Variants in CEP104 observed in about 807,000 individuals in gnomAD.
The protein encoded by CEP104 is centrosomal protein of 104 kDa.
A neutral mutation model predicts 113.3 loss-of-function variants in CEP104; 84 were observed. The ratio of observed to expected loss-of-function variants is 0.74; its 90% CI spans 0.62 to 0.89. The LOEUF is 0.89. Ranked by LOEUF, CEP104 falls within the 40% of genes least tolerant of loss-of-function variation. CEP104 has a pLI of 0.00. For missense variants in CEP104, 1,053 were observed against 1,156.6 expected (o/e 0.91, Z 1.30); for synonymous variants, 378 against 421.7 (o/e 0.90, Z 1.27).
chr1:3,823,464 C>A lies in CEP104; in HGVS notation c.2463G>T (p.Lys821Asn). ...KCYRCSEAVF[K>N]EELPRHIKHK... is the part of the protein sequence containing the mutation. The stretch of plus-strand genomic sequence containing the variant: ...GTTTTATGTGTCTGGGCAGCTCTTC[C>A]TTGAAAACAGCCTCACTGCAACGGT... The change falls in exon 19 of 22, where the codon AAG (lysine) becomes AAT (asparagine). Residue 821 changes from lysine to asparagine, a missense_variant. Transcript: ENST00000378230. The surrounding 1 kb of genome is among the most constrained non-coding windows in gnomAD (Gnocchi z 4.1). 1 of 1,614,238 alleles carries A rather than the reference C, an allele frequency of 6.2e-7. No homozygotes were observed. Among genetic ancestry groups the A allele is most frequent in the Non-Finnish European group, 8.5e-7 (1 of 1,180,036 alleles).
chr1:3,816,488 C>A (rs1643883077), intron 20 of CEP104, 118 bp from the exon 21 acceptor site: 2 of 742,262 alleles, frequency 2.7e-6, no homozygotes, highest in East Asian at 2.8e-5. Flanking sequence ...CCAGCAAGAG[C>A]CGCAGAAGAA....
intron 17 of CEP104, 123 bp downstream of exon 17, chr1:3,826,247 C>T (rs1644088499): frequency 1.3e-6 from 1 of 792,620 alleles, no homozygotes; most frequent in Non-Finnish European, 2.2e-6. Flanking sequence ...GCAGAAGGCA[C>T]ATTTCCTACC....
chr1:3,823,096 A>C lies in CEP104; in HGVS notation c.2571+78T>G. On this transcript the variant is annotated intron_variant, in intron 20 of 21. Coordinates refer to ENST00000378230, the MANE Select transcript of CEP104 (RefSeq NM_014704.4). This position sits in a 1 kb window ranked among gnomAD's most constrained non-coding sequence, Gnocchi z 4.1. ...ACTCTGTGGCTATGGTCCCGCACTG[A>C]CACCACCACTGTCACCACCACTGCC... The C allele has an allele frequency of 7.4e-7, 1 of 1,356,442 alleles. No homozygotes were observed. The highest frequency in any genetic ancestry group is 1.1e-6 in the Non-Finnish European group (1 of 949,958). 84.0% of individuals were successfully genotyped at this position (1,356,442 alleles called of 1,614,324 possible).
At chr1:3,827,740 C>A (rs1644120201) in intron 15 of CEP104, among the ~76,000 whole-genome samples, 1 of 152,220 alleles carries the variant, frequency 6.6e-6, no homozygotes, top group South Asian at 2.1e-4. Context: ...TTCACCAGGC[C>A]CTGTGTGGGG....
intron 20 of CEP104, among the ~76,000 whole-genome samples, chr1:3,817,583 G>A (rs1398209383): frequency 1.3e-5 from 2 of 152,162 alleles, no homozygotes; most frequent in East Asian, 3.9e-4. Flanking sequence ...GTCTCTCCAG[G>A]CCACTGGCAA....
In CEP104 at chr1:3,826,726, C is replaced by G; in HGVS notation, c.2170G>C (p.Val724Leu). Residue 724 changes from valine to leucine, a missense_variant, in exon 16 of 22, where the codon GTG becomes CTG. Coordinates refer to ENST00000378230, the MANE Select transcript of CEP104 (RefSeq NM_014704.4). ...AEVQEKESDA[V>L]KPKNQDIQGG... The stretch of plus-strand genomic sequence containing the variant: ...TACATACCCTGATTCTTTGGCTTCA[C>G]AGCATCACTTTCTTTTTCCTAAGAC... The G allele has an allele frequency of 6.2e-7, 1 of 1,614,182 alleles. No homozygotes were observed. Among genetic ancestry groups the G allele is most frequent in the South Asian group, 1.1e-5 (1 of 91,088 alleles).
At chr1:3,846,484 T>C (rs1168388541) in intron 4 of CEP104, among the ~76,000 whole-genome samples, 1 of 152,230 alleles carries the variant, frequency 6.6e-6, no homozygotes. Flanking sequence ...GCAGGGCACA[T>C]ATATTATCAT....
intron 20 of CEP104, among the ~76,000 whole-genome samples, chr1:3,816,826 C>T (rs143667495): frequency 6.7e-4 from 102 of 152,398 alleles, no homozygotes; most frequent in Admixed American, 2.1e-3. Flanking sequence ...TCCTGAGCCA[C>T]GCCACATGCA....
rs144086321 is a variant in CEP104 at position 3,832,025 on chromosome 1, C to CACA, written c.1660-806_1660-804dup. Among the ~76,000 whole-genome samples, 910 of 152,332 alleles carry CACA rather than the reference C, an allele frequency of 6.0e-3. 10 individuals are homozygous for CACA. The highest frequency in any genetic ancestry group is 0.02 in the African/African-American group (847 of 41,584). On this transcript the variant is annotated intron_variant, in intron 12 of 21. Transcript: ENST00000378230. ...TCGTCCACTAACCGGCACACTGGTG[C>CACA]ACAATTGTAACCCTCGATAGATTGC...
At position 3,823,123 on chromosome 1, in the gene CEP104, T is replaced by C; in HGVS notation, c.2571+51A>G. The C allele has an allele frequency of 6.5e-7, 1 of 1,550,350 alleles. No individual in the cohort carries two copies. Among genetic ancestry groups the C allele is most frequent in the Non-Finnish European group, 8.9e-7 (1 of 1,123,340 alleles). On this transcript the variant is annotated intron_variant, in intron 20 of 21. Coordinates refer to ENST00000378230, the MANE Select transcript of CEP104 (RefSeq NM_014704.4). This position sits in a 1 kb window ranked among gnomAD's most constrained non-coding sequence, Gnocchi z 4.1. Reference sequence around the variant, plus strand: ...ACCACCACTGTCACCACCACTGCCATCCACAGGTGTGTCACCTACTTCACT... The same window carrying C: ...ACCACCACTGTCACCACCACTGCCACCCACAGGTGTGTCACCTACTTCACT...
At chr1:3,830,940 C>A in intron 13 of CEP104, 106 bp downstream of exon 13, 1 of 1,190,508 alleles carries the variant, frequency 8.4e-7, no homozygotes, top group Non-Finnish European at 1.2e-6. Context: ...TCTGAAATCA[C>A]TGCCTCAGTC....
intron 3 of CEP104, chr1:3,847,853 G>C: frequency 2.0e-6 from 1 of 499,350 alleles, no homozygotes; most frequent in Non-Finnish European, 3.5e-6. Context: ...TGTTGTTGTT[G>C]AGATGGAGTC....
chr1:3,854,412 C>T (rs1278353856), intron 1 of CEP104, among the ~76,000 whole-genome samples: 3 of 152,184 alleles, frequency 2.0e-5, no homozygotes, highest in Non-Finnish European at 2.9e-5. Context: ...TCCAGCCAAA[C>T]AATCAAAGCT....
At position 3,836,807 on chromosome 1, in the gene CEP104, T is replaced by C. The variant is rs950956912; in HGVS notation, c.1120-115A>G. The C allele has an allele frequency of 7.4e-5, 59 of 797,382 alleles. No homozygotes were observed. In the African/African-American group the frequency reaches 9.0e-4, roughly 12 times the overall value. The allele number at this position is 797,382 out of a possible 1,614,324, so 49.4% of individuals were successfully genotyped here. On this transcript the variant is annotated intron_variant, in intron 9 of 21. Transcript: ENST00000378230. ...TACTTACCTGATCTGAAAGATGTTA[T>C]TTTGCTAAATATCAGTATCATCAGA...
chr1:3,815,466 C>T lies in CEP104; in HGVS notation c.2714G>A (p.Ser905Asn), dbSNP rs774502989. The T allele has an allele frequency of 1.2e-6, 2 of 1,612,918 alleles. No homozygotes were observed. Among genetic ancestry groups the T allele is most frequent in the East Asian group, 4.5e-5 (2 of 44,888 alleles). Reference sequence around the variant, plus strand: ...TCCGCCCTTCGGGGTGGGGATCTTGCTTCCGGCCTTTGACCCCAAGGGGCC... The same window carrying T: ...TCCGCCCTTCGGGGTGGGGATCTTGTTTCCGGCCTTTGACCCCAAGGGGCC... ...ASGPLGSKAGSKIPTPKGGLS... is the reference protein window; with the variant it reads ...ASGPLGSKAGNKIPTPKGGLS... Residue 905 changes from serine to asparagine, a missense_variant, in exon 22 of 22, where the codon AGC becomes AAC. By Grantham distance (46) the Ser-to-Asn change is conservative. Transcript: ENST00000378230.
At position 3,834,958 on chromosome 1, in the gene CEP104, G is replaced by A. The variant is rs376591022; in HGVS notation, c.1452C>T (p.Leu484=). 18 of 1,605,626 alleles carry A rather than the reference G, an allele frequency of 1.1e-5. No homozygotes were observed. Among genetic ancestry groups the A allele is most frequent in the East Asian group, 2.2e-5 (1 of 44,714 alleles). ...CAATGTCCTTTATGGCTCTTCTAAC[G>A]AGAAAGACGGATGCTCTCAGTGTGT... ...LKNTLRASVF[L]VRRAIKDIVT... is the part of the protein sequence containing the mutation. The change falls in exon 11 of 22, where the codon CTC becomes CTT. Residue 484 remains leucine, a synonymous_variant. Coordinates refer to ENST00000378230, the MANE Select transcript of CEP104 (RefSeq NM_014704.4).
chr1:3,829,251 G>T lies in CEP104; in HGVS notation c.2151+15C>A. The T allele has an allele frequency of 6.5e-7, 1 of 1,531,958 alleles. No individual in the cohort carries two copies. The highest frequency in any genetic ancestry group is 8.8e-7 in the Non-Finnish European group (1 of 1,132,452). 94.9% of individuals were successfully genotyped at this position (1,531,958 alleles called of 1,614,324 possible). A position where few individuals can be genotyped will look rare whatever the true frequency, so the allele number is the denominator to read the frequency against. On this transcript the variant is annotated intron_variant, in intron 15 of 21. Coordinates refer to ENST00000378230, the MANE Select transcript of CEP104 (RefSeq NM_014704.4). ...AGCTAAAAGCACACAGGTGAAAGAC[G>T]TGTTAACTTCCAACCTGAACTTCAG...
In CEP104 at chr1:3,814,897, G is replaced by A. The variant is rs1042826395; in HGVS notation, c.*505C>T. 2.6e-5 allele frequency: 4 copies of A among 154,022 alleles called. No individual in the cohort carries two copies. The highest frequency in any genetic ancestry group is 9.6e-5 in the African/African-American group (4 of 41,482). The allele number at this position is 154,022 out of a possible 1,614,324, so 9.5% of individuals were successfully genotyped here. ...ACGGGGCCTGCAGGGGGAAGGCACG[G>A]CTGGAGGCCCGTGCGCACCGCCACT... On this transcript the variant is annotated 3_prime_UTR_variant, in exon 22 of 22. Coordinates refer to ENST00000378230, the MANE Select transcript of CEP104 (RefSeq NM_014704.4).
In CEP104 at chr1:3,816,289, G is replaced by C; in HGVS notation, c.2653C>G (p.Leu885Val). ...CGGCGCTGTCCCTCACCTGGCTGCA[G>C]TGCCGGGGCCTTCTGCAGAATGTGT... is the stretch of plus-strand genomic sequence containing the variant. ...KTHILQKAPA[L>V]QPGKSSAVAA... The change falls in exon 21 of 22, where the codon CTG becomes GTG. Residue 885 changes from leucine (L) to valine (V), a missense_variant. Coordinates refer to ENST00000378230, the MANE Select transcript of CEP104 (RefSeq NM_014704.4). 6.4e-7 allele frequency: 1 copy of C among 1,552,278 alleles called. No individual in the cohort carries two copies. The highest frequency in any genetic ancestry group is 8.7e-7 in the Non-Finnish European group (1 of 1,147,314).
Sources: allele counts gnomAD v4.1 joint callset (sites outside exome capture counted in the v4.1 genomes callset), GRCh38; gene constraint gnomAD v4.1.1; non-coding constraint Gnocchi (gnomAD v3.1); transcripts MANE v1.5; gene names NCBI Gene and HGNC (gene_info 2026-07-23, HGNC 2026-07-21).